PRKCE: variants seen among roughly 807,000 people sequenced by gnomAD.
PRKCE encodes protein kinase C epsilon, also known as protein kinase C epsilon type.
In PRKCE, 16 loss-of-function variants were observed where a neutral mutation model predicts 85.4. The observed-to-expected ratio is 0.19, with a 90% confidence interval of 0.13 to 0.28. The LOEUF (loss-of-function observed/expected upper bound fraction) is 0.28. Among genes scored for constraint, PRKCE ranks in the 10% least tolerant of loss-of-function variants. The probability of loss-of-function intolerance (pLI) is 1.00; values close to 1 mark genes in which losing one functional copy is unlikely to be tolerated. For synonymous variants in PRKCE, 388 were observed against 371.5 expected (o/e 1.04, Z -0.51); for missense variants, 573 against 975.2 (o/e 0.59, Z 5.49).
chr2:45,814,678 G>C (rs375994403), intron 1 of PRKCE, among the ~76,000 whole-genome samples: 2 of 152,330 alleles, frequency 1.3e-5, no homozygotes, highest in South Asian at 2.1e-4. Flanking sequence ...TGTGAGCCAG[G>C]CATCTTGATT....
intron 11 of PRKCE, among the ~76,000 whole-genome samples, chr2:46,091,164 G>C (rs1670130896): frequency 6.6e-6 from 1 of 151,940 alleles, no homozygotes; most frequent in African/African-American, 2.4e-5. Flanking sequence ...GGCTGGGTGG[G>C]GGTTCCTGTC....
intron 10 of PRKCE, among the ~76,000 whole-genome samples, chr2:46,049,764 C>T (rs755607249): frequency 6.6e-6 from 1 of 152,226 alleles, no homozygotes; most frequent in Non-Finnish European, 1.5e-5. Context: ...GCGTTTCCTT[C>T]TGCCCAGTTC....
At chr2:46,175,344 A>C (rs1422427330) in intron 14 of PRKCE, among the ~76,000 whole-genome samples, 1 of 152,222 alleles carries the variant, frequency 6.6e-6, no homozygotes, top group African/African-American at 2.4e-5. Flanking sequence ...CTGAGACCAA[A>C]TAGAAAGTTC....
Position 46,010,639 on chromosome 2 carries a change from C to A in PRKCE, c.1437+122C>A, listed in dbSNP as rs767867377. On this transcript the variant is annotated intron_variant, in intron 10 of 14. Coordinates refer to ENST00000306156, the MANE Select transcript of PRKCE (RefSeq NM_005400.3). The stretch of plus-strand genomic sequence containing the variant: ...CTTTGTAAAGTGGGATGGGTTTTAC[C>A]CTTGAAAAGATCAGGATGTATTTGA... 17 of 1,598,982 alleles carry A rather than the reference C, an allele frequency of 1.1e-5. No individual in the cohort carries two copies. The African/African-American group carries it at 2.0e-4, about 19-fold the overall frequency.
intron 2 of PRKCE, among the ~76,000 whole-genome samples, chr2:45,924,327 G>A (rs1005849433): frequency 3.9e-5 from 6 of 152,196 alleles, no homozygotes; most frequent in East Asian, 1.9e-4. Flanking sequence ...AAATCCTTGC[G>A]CCAATTTTGA....
chr2:45,865,844 T>G (rs4516481), intron 2 of PRKCE, among the ~76,000 whole-genome samples: 57,823 of 143,260 alleles, frequency 0.4, 12,261 homozygotes, highest in East Asian at 0.78. Flanking sequence ...TTGAGACGAG[T>G]TCTCACTCTG....
At chr2:45,756,037 G>A (rs1484318319) in intron 1 of PRKCE, among the ~76,000 whole-genome samples, 1 of 152,192 alleles carries the variant, frequency 6.6e-6, no homozygotes, top group Non-Finnish European at 1.5e-5. Context: ...GGGAACCACT[G>A]GCTTCTGGGC....
At chr2:46,093,393 TA>T (rs965509950) in intron 11 of PRKCE, among the ~76,000 whole-genome samples, 1 of 133,572 alleles carries the variant, frequency 7.5e-6, no homozygotes, top group Non-Finnish European at 1.7e-5. Context: ...TTTTGGTTAA[TA>T]AAAAAGCAGT....
At chr2:45,832,903 G>A (rs1215333326) in intron 1 of PRKCE, among the ~76,000 whole-genome samples, 3 of 152,176 alleles carry the variant, frequency 2.0e-5, no homozygotes, top group African/African-American at 7.2e-5. Context: ...CACATGTAGA[G>A]TATTCAATAA....
chr2:45,812,572 T>C (rs970367495), intron 1 of PRKCE, among the ~76,000 whole-genome samples: 6 of 152,204 alleles, frequency 3.9e-5, no homozygotes, highest in African/African-American at 1.4e-4. Flanking sequence ...GTGGGAGTAA[T>C]ATTAGTATCC....
intron 2 of PRKCE, among the ~76,000 whole-genome samples, chr2:45,848,255 G>A (rs1691957426): frequency 1.3e-5 from 2 of 152,110 alleles, no homozygotes; most frequent in South Asian, 4.1e-4. Flanking sequence ...ATGTCTTCTA[G>A]TTAGTAGAAA....
chr2:46,089,322 C>T (rs1669941098), intron 11 of PRKCE, among the ~76,000 whole-genome samples: 1 of 152,198 alleles, frequency 6.6e-6, no homozygotes, highest in Non-Finnish European at 1.5e-5. Context: ...TCCAGAGCCC[C>T]ACACAAGATC....
chr2:46,084,961 A>T (rs531800269), intron 10 of PRKCE, among the ~76,000 whole-genome samples: 21 of 152,140 alleles, frequency 1.4e-4, no homozygotes, highest in Non-Finnish European at 2.9e-4. Flanking sequence ...TTTTCTCTGA[A>T]TCTTTTTAGC....
intron 1 of PRKCE, among the ~76,000 whole-genome samples, chr2:45,744,410 TTCTTTTC>T (rs1205930887): frequency 2.0e-5 from 3 of 150,428 alleles, no homozygotes; most frequent in African/African-American, 7.3e-5. Context: ...TCTCTTTCTT[TTCTTTTC>T]TTTCTTTCTT....
intron 2 of PRKCE, among the ~76,000 whole-genome samples, chr2:45,902,097 C>T (rs1171343339): frequency 6.6e-6 from 1 of 152,178 alleles, no homozygotes; most frequent in Admixed American, 6.5e-5. Flanking sequence ...ATCTCCAACC[C>T]TCTCAGGTCT....
intron 10 of PRKCE, chr2:46,078,602 T>C (rs747442698): frequency 2.6e-5 from 4 of 152,114 alleles, no homozygotes; most frequent in Non-Finnish European, 2.9e-5. Context: ...CAGAAGCACT[T>C]TTCTGTCTCC....
intron 1 of PRKCE, among the ~76,000 whole-genome samples, chr2:45,765,562 CT>C (rs955495266): frequency 6.6e-5 from 10 of 152,402 alleles, no homozygotes; most frequent in African/African-American, 2.2e-4. Context: ...AATACCTCAT[CT>C]TTGCCTCTGC....
intron 14 of PRKCE, chr2:46,168,119 C>T (rs905886536): frequency 6.6e-6 from 1 of 152,192 alleles, no homozygotes; most frequent in Non-Finnish European, 1.5e-5. Flanking sequence ...CCATCATTTT[C>T]ATCCCCTACC....
intron 10 of PRKCE, among the ~76,000 whole-genome samples, chr2:46,019,652 A>G (rs1439785616): frequency 6.6e-6 from 1 of 152,156 alleles, no homozygotes; most frequent in Non-Finnish European, 1.5e-5. Flanking sequence ...CTTTATACCA[A>G]TTAGCCTATG....
Sources: gnomAD v4.1 joint callset for allele counts (sites outside exome capture counted in the v4.1 genomes callset) on GRCh38, gnomAD v4.1.1 for gene constraint, MANE v1.5 for transcripts, NCBI Gene and HGNC (gene_info 2026-07-23, HGNC 2026-07-21) for gene names.